Variants in SPRED2 observed in about 807,000 individuals in gnomAD.
SPRED2 encodes the protein sprouty-related, EVH1 domain-containing protein 2.
In SPRED2, 47 loss-of-function variants were observed where a neutral mutation model predicts 43.0. The observed-to-expected ratio is 1.09, with a 90% CI of 0.87 to 1.40. The LOEUF (loss-of-function observed/expected upper bound fraction) is 1.40, where lower values mean the gene tolerates loss of function less well. SPRED2 is among the 40% of genes most tolerant of loss of function. The pLI, the probability that SPRED2 is intolerant of heterozygous loss-of-function variation, is 0.00. For synonymous variants in SPRED2, 225 were observed against 225.7 expected (o/e 1.00, Z 0.03); for missense variants, 561 against 586.4 (o/e 0.96, Z 0.45).
At chr2:65,378,638 T>C (rs1675301342) in intron 1 of SPRED2, among the ~76,000 whole-genome samples, 2 of 152,312 alleles carry the variant, frequency 1.3e-5, no homozygotes, top group Admixed American at 1.3e-4. Context: ...GGGGTGACAT[T>C]GTGTCCTGTG....
intron 1 of SPRED2, among the ~76,000 whole-genome samples, chr2:65,370,523 A>G (rs11673956): frequency 0.32 from 48,810 of 152,072 alleles, 9,710 homozygotes; most frequent in East Asian, 0.78. Flanking sequence ...CATAGAGAAA[A>G]TTCGTTGACC....
chr2:65,425,191 G>T (rs1411168944), intron 1 of SPRED2, among the ~76,000 whole-genome samples: 1 of 152,114 alleles, frequency 6.6e-6, no homozygotes, highest in Non-Finnish European at 1.5e-5. Context: ...TTTATAAATG[G>T]ACCACAGGAA....
chr2:65,354,554 A>G (rs1476417154), intron 1 of SPRED2, among the ~76,000 whole-genome samples: 1 of 82,676 alleles, frequency 1.2e-5, no homozygotes, highest in Non-Finnish European at 3.1e-5. Context: ...GCTCTCATGA[A>G]AAAAAAAAAA....
At chr2:65,377,625 T>C (rs1450270159) in intron 1 of SPRED2, 1 of 471,284 alleles carries the variant, frequency 2.1e-6, no homozygotes, top group Non-Finnish European at 4.4e-6. Context: ...CCTCCTTTCC[T>C]GGTCATCGTC....
At chr2:65,395,701 T>G (rs1446138430) in intron 1 of SPRED2, among the ~76,000 whole-genome samples, 1 of 152,232 alleles carries the variant, frequency 6.6e-6, no homozygotes, top group African/African-American at 2.4e-5. Flanking sequence ...AGGGCAGTTA[T>G]GAGAATTAAA....
At chr2:65,316,979 C>T (rs960102615) in intron 4 of SPRED2, 96 bp from the exon 5 acceptor site, 2 of 1,322,854 alleles carry the variant, frequency 1.5e-6, no homozygotes, top group Admixed American at 4.1e-5. Flanking sequence ...ACTAGCTATT[C>T]CCTGGTTGTG....
chr2:65,406,718 A>C (rs1676031393), intron 1 of SPRED2, among the ~76,000 whole-genome samples: 2 of 152,188 alleles, frequency 1.3e-5, no homozygotes, highest in Non-Finnish European at 2.9e-5. Flanking sequence ...GGCTAAAAAT[A>C]GTAACATCGT....
In SPRED2 at chr2:65,316,781, C is replaced by T. The variant is rs1374251131; in HGVS notation, c.541G>A (p.Gly181Ser). 6.2e-7 allele frequency: 1 copy of T among 1,612,900 alleles called. No homozygotes were observed. Among genetic ancestry groups the T allele is most frequent in the African/African-American group, 1.3e-5 (1 of 74,858 alleles). Reference protein sequence around the residue: ...SCEHRRIYTLGHLHDSYPTDH... With the variant: ...SCEHRRIYTLSHLHDSYPTDH... ...GTGGGGTATGAGTCGTGGAGGTGGC[C>T]CAGGGTATAAATCCTCCGGTGCTCA... The change falls in exon 5 of 6, where the codon GGC (glycine) becomes AGC (serine). Residue 181 changes from glycine (G) to serine (S), a missense_variant. This residue lies in a region of SPRED2 where 305 missense variants were observed against 282.4 expected (regional missense o/e 1.08). Transcript: ENST00000356388.
Position 65,313,375 on chromosome 2 carries a change from G to C in SPRED2, c.*126C>G. On this transcript the variant is annotated 3_prime_UTR_variant, in exon 6 of 6. Transcript: ENST00000356388. ...GCTGGAATGGTGCCTCGAGGTACCA[G>C]GGAGCTGGGAGGCCGCTTGCCCTCC... The C allele has an allele frequency of 1.3e-6, 2 of 1,498,022 alleles. No individual in the cohort carries two copies. The highest frequency in any genetic ancestry group is 2.3e-5 in the East Asian group (1 of 43,864). The allele number at this position is 1,498,022 out of a possible 1,614,324, so 92.8% of individuals were successfully genotyped here.
chr2:65,374,053 G>A (rs906149665), intron 1 of SPRED2: 1 of 152,140 alleles, frequency 6.6e-6, no homozygotes, highest in Non-Finnish European at 1.5e-5. Context: ...CTAACTTAAC[G>A]TACTTTTCGC....
chr2:65,346,605 T>TACC (rs1674358057), intron 1 of SPRED2, among the ~76,000 whole-genome samples: 1 of 152,120 alleles, frequency 6.6e-6, no homozygotes, highest in Non-Finnish European at 1.5e-5. Context: ...CTCATATAAG[T>TACC]TCCTTTCCCT....
chr2:65,326,240 C>T (rs11896833), intron 4 of SPRED2, among the ~76,000 whole-genome samples: 32,904 of 151,914 alleles, frequency 0.22, 3,679 homozygotes, highest in Non-Finnish European at 0.23. Context: ...ATATAATATT[C>T]GTTCCTTTCT....
chr2:65,336,880 G>A (rs562126727), intron 2 of SPRED2, among the ~76,000 whole-genome samples: 5 of 152,280 alleles, frequency 3.3e-5, no homozygotes, highest in East Asian at 3.9e-4. Flanking sequence ...AGGCCGAGGC[G>A]GGCGGATCAT....
intron 4 of SPRED2, among the ~76,000 whole-genome samples, chr2:65,327,136 G>T (rs114043217): frequency 1.3e-5 from 2 of 152,104 alleles, no homozygotes; most frequent in African/African-American, 2.4e-5. Flanking sequence ...GATTACAGTT[G>T]TGAGCCACCA....
chr2:65,345,088 A>G (rs1421511693), intron 1 of SPRED2, among the ~76,000 whole-genome samples, 192 bp from the exon 2 acceptor site: 1 of 152,156 alleles, frequency 6.6e-6, no homozygotes, highest in Non-Finnish European at 1.5e-5. Flanking sequence ...AACTCAATAT[A>G]AAAGTACATT....
intron 1 of SPRED2, among the ~76,000 whole-genome samples, chr2:65,400,643 C>G (rs539445718): frequency 6.6e-6 from 1 of 152,120 alleles, no homozygotes; most frequent in Non-Finnish European, 1.5e-5. Context: ...TTCTTCCCTT[C>G]CTTTCTGTTC....
intron 1 of SPRED2, among the ~76,000 whole-genome samples, chr2:65,399,772 A>G (rs1255741487): frequency 6.6e-6 from 1 of 152,216 alleles, no homozygotes; most frequent in East Asian, 1.9e-4. Context: ...CTAAGCTATG[A>G]GGACACAAAG....
chr2:65,338,134 G>C (rs893594515), intron 2 of SPRED2, among the ~76,000 whole-genome samples: 5 of 150,878 alleles, frequency 3.3e-5, no homozygotes, highest in African/African-American at 1.2e-4. Context: ...TATTGAAAGT[G>C]AAAGAGTCCC....
chr2:65,378,413 T>A (rs887182971), intron 1 of SPRED2, among the ~76,000 whole-genome samples: 3 of 152,196 alleles, frequency 2.0e-5, no homozygotes, highest in Admixed American at 2.0e-4. Context: ...GGGATTTGCT[T>A]TAAAATACTG....
Sources: allele counts gnomAD v4.1 joint callset (sites outside exome capture counted in the v4.1 genomes callset), GRCh38; gene constraint gnomAD v4.1.1; regional missense constraint gnomAD v4.1.1; transcripts MANE v1.5; gene names NCBI Gene and HGNC (gene_info 2026-07-23, HGNC 2026-07-21).